The following PPP1R3F variants were observed in gnomAD, a reference collection of about 807,000 sequenced individuals.
PPP1R3F encodes the protein protein phosphatase 1 regulatory subunit 3F, also known as protein phosphatase 1, regulatory (inhibitor) subunit 3F.
A neutral mutation model predicts 24.2 loss-of-function variants in PPP1R3F; 29 were observed. The ratio of observed to expected loss-of-function variants is 1.20; its 90% CI spans 0.89 to 1.63. PPP1R3F has a LOEUF of 1.63. PPP1R3F is among the 40% of genes most tolerant of loss of function. PPP1R3F has a pLI of 0.00. For synonymous variants in PPP1R3F, 363 were observed against 340.1 expected, an observed-to-expected ratio of 1.07 and a Z score of -0.74; for missense variants, 823 against 729.3, an observed-to-expected ratio of 1.13 and a Z score of -1.48.
rs781801428 is a variant in PPP1R3F, at chrX:49,286,226, G to A, written c.1536G>A (p.Gly512=). 18 of 1,207,613 alleles carry A rather than the reference G, an allele frequency of 1.5e-5. No homozygotes were observed. The highest frequency in any genetic ancestry group is 2.3e-4 in the Middle Eastern group (1 of 4,325). ...CTGCGGGTGGGGCAGGGGGTGGTGG[G>A]GAGGGCTCCACAGATGGAGGGATGT... ...AVAAGGAGGG[G]EGSTDGGMSP... The change falls in exon 4 of 4, where the codon GGG becomes GGA. Residue 512 remains glycine, a synonymous_variant. Coordinates refer to ENST00000055335, the MANE Select transcript of PPP1R3F (RefSeq NM_033215.5).
chrX:49,297,185 TTTTA>T (rs200480890), intron 3 of PPP1R3F, among the ~76,000 whole-genome samples: 2,163 of 94,037 alleles, frequency 0.023, 31 homozygotes, highest in Admixed American at 0.061. Flanking sequence ...CTTGCTTTAT[TTTTA>T]TTTATTTATT....
At chrX:49,281,867 AC>A in intron 2 of PPP1R3F, 113 bp from the exon 3 acceptor site, 1 of 537,415 alleles carries the variant, frequency 1.9e-6, no homozygotes, top group Non-Finnish European at 3.2e-6. Context: ...TTAGATTGTC[AC>A]AGAAAGCTTC....
At chrX:49,283,453 G>A (rs1311182789) in intron 3 of PPP1R3F, among the ~76,000 whole-genome samples, 3 of 111,089 alleles carry the variant, frequency 2.7e-5, no homozygotes, top group Non-Finnish European at 3.8e-5. Context: ...GAGCCATCAC[G>A]TCTGGCCAGA....
chrX:49,297,185 T>TTTTATTTATTTA (rs200480890), intron 3 of PPP1R3F, among the ~76,000 whole-genome samples: 25 of 94,060 alleles, frequency 2.7e-4, no homozygotes, highest in Admixed American at 6.0e-4. Context: ...CTTGCTTTAT[T>TTTTATTTATTTA]TTTATTTATT....
chrX:49,277,169 G>A (rs994980506), intron 1 of PPP1R3F, among the ~76,000 whole-genome samples: 2 of 112,953 alleles, frequency 1.8e-5, no homozygotes, highest in South Asian at 3.6e-4. Flanking sequence ...CTCTGTGACT[G>A]GCGAATCACC....
intron 3 of PPP1R3F, among the ~76,000 whole-genome samples, chrX:49,296,248 G>A (rs782614195): frequency 6.3e-5 from 7 of 111,737 alleles, no homozygotes; most frequent in Non-Finnish European, 1.3e-4. Flanking sequence ...AGTCTTGGGA[G>A]GGTGTATGTA....
At chrX:49,281,304 G>A in intron 1 of PPP1R3F, 102 bp from the exon 2 acceptor site, 1 of 508,008 alleles carries the variant, frequency 2.0e-6, no homozygotes, top group Non-Finnish European at 3.2e-6. Flanking sequence ...CAGCTGTCAG[G>A]TGAAGGTGGG....
At position 49,270,873 on chromosome X, in the gene PPP1R3F, G is replaced by A. The variant is rs782780473; in HGVS notation, c.1004G>A (p.Arg335Lys). 1 of 1,172,038 alleles carries A rather than the reference G, an allele frequency of 8.5e-7. No individual in the cohort carries two copies. Among genetic ancestry groups the A allele is most frequent in the South Asian group, 1.9e-5 (1 of 52,513 alleles). Reference protein sequence around the residue: ...LKSCMKPVRRRPAEEELKTKN... With the variant: ...LKSCMKPVRRKPAEEELKTKN... ...AGCTGCATGAAGCCGGTGAGGCGCAGGTAATGTCAGCCAGCGCCACCTCCG... is the reference window on the plus strand; with the variant it reads ...AGCTGCATGAAGCCGGTGAGGCGCAAGTAATGTCAGCCAGCGCCACCTCCG... The change falls in exon 1 of 4, where the codon AGG (arginine) becomes AAG (lysine). Residue 335 changes from arginine (R) to lysine (K), a missense_variant and splice_region_variant. Arg to Lys is a conservative substitution (Grantham distance 26). Transcript: ENST00000055335.
chrX:49,276,457 C>T (rs370602864), intron 1 of PPP1R3F, among the ~76,000 whole-genome samples: 547 of 112,361 alleles, frequency 4.9e-3, no homozygotes, highest in Non-Finnish European at 7.8e-3. Context: ...AATTGCATAT[C>T]CTAACCCTTT....
chrX:49,271,575 G>T (rs1473278341), intron 1 of PPP1R3F, among the ~76,000 whole-genome samples: 1 of 112,542 alleles, frequency 8.9e-6, no homozygotes, highest in African/African-American at 3.2e-5. Flanking sequence ...GGGGGGTAGA[G>T]CAGATTCTCT....
chrX:49,275,265 CTT>C (rs1343846471), intron 1 of PPP1R3F: 2 of 111,784 alleles, frequency 1.8e-5, no homozygotes, highest in East Asian at 2.8e-4. Context: ...ACTTAAAACA[CTT>C]TGTCTTCCCT....
intron 3 of PPP1R3F, among the ~76,000 whole-genome samples, chrX:49,285,146 A>G (rs947031592): frequency 9.0e-6 from 1 of 111,134 alleles, no homozygotes; most frequent in Non-Finnish European, 1.9e-5. Context: ...CACATCATGG[A>G]GAATGAGGTA....
At chrX:49,299,528 C>A (rs1373153574) in intron 3 of PPP1R3F, among the ~76,000 whole-genome samples, 12 of 112,278 alleles carry the variant, frequency 1.1e-4, no homozygotes, top group Non-Finnish European at 2.1e-4. Context: ...CTTAGCAGAG[C>A]TTGAGCGCTG....
At chrX:49,271,321 G>A (rs2066178937) in intron 1 of PPP1R3F, among the ~76,000 whole-genome samples, 2 of 112,142 alleles carry the variant, frequency 1.8e-5, no homozygotes, top group Admixed American at 1.9e-4. Flanking sequence ...CAGATACGGT[G>A]GGGAGGTGGG....
At chrX:49,270,970 G>C in intron 1 of PPP1R3F, 97 bp downstream of exon 1, 2 of 894,859 alleles carry the variant, frequency 2.2e-6, no homozygotes, top group Non-Finnish European at 3.0e-6. Flanking sequence ...TGCTCTCCAG[G>C]ACAGGGAGGA....
At chrX:49,281,323 G>T in intron 1 of PPP1R3F, 83 bp from the exon 2 acceptor site, 1 of 702,558 alleles carries the variant, frequency 1.4e-6, no homozygotes, top group Non-Finnish European at 2.1e-6. Context: ...GGCTAGCACA[G>T]AGGCTCAGAA....
downstream of PPP1R3F, among the ~76,000 whole-genome samples, chrX:49,292,519 A>G (rs1335933002): frequency 3.6e-5 from 4 of 112,337 alleles, no homozygotes; most frequent in African/African-American, 9.7e-5. Flanking sequence ...GACAGCCCCA[A>G]CAGAGCCTGG....
intron 1 of PPP1R3F, among the ~76,000 whole-genome samples, chrX:49,272,329 C>T (rs2066185379): frequency 8.9e-6 from 1 of 112,401 alleles, no homozygotes; most frequent in African/African-American, 3.2e-5. Flanking sequence ...AGTGTGGATT[C>T]TGGCATAGAT....
Position 49,287,182 on chromosome X carries a change from C to G in PPP1R3F, c.*92C>G. 2 of 947,237 alleles carry G rather than the reference C, an allele frequency of 2.1e-6. No individual in the cohort carries two copies. The highest frequency in any genetic ancestry group is 4.6e-5 in the South Asian group (2 of 43,168). 78.1% of individuals were successfully genotyped at this position (947,237 alleles called of 1,213,427 possible). A position where few individuals can be genotyped will look rare whatever the true frequency, so the allele number is the denominator to read the frequency against. ...GTCCTTTGCTTCTGAGAATGCTCAA[C>G]TGAAAGAGAGGCCTTCTCATCCCCA... On this transcript the variant is annotated 3_prime_UTR_variant, in exon 4 of 4. Transcript: ENST00000055335.
Sources: allele counts gnomAD v4.1 joint callset (sites outside exome capture counted in the v4.1 genomes callset), GRCh38; gene constraint gnomAD v4.1.1; transcripts MANE v1.5; gene names NCBI Gene and HGNC (gene_info 2026-07-23, HGNC 2026-07-21).